Variants in KCND2 observed in about 807,000 individuals in gnomAD.
KCND2 encodes A-type voltage-gated potassium channel KCND2.
Under a neutral mutation model 54.4 loss-of-function variants are expected in KCND2, and 16 were observed. The ratio of observed to expected loss-of-function variants is 0.29; its 90% confidence interval spans 0.20 to 0.45. KCND2 has a LOEUF of 0.45. Among genes scored for constraint, KCND2 ranks in the 20% least tolerant of loss-of-function variants. KCND2 has a pLI of 1.00. For synonymous variants in KCND2, 317 were observed against 310.7 expected, an observed-to-expected ratio of 1.02 and a Z score of -0.21; for missense variants, 486 against 824.2, an observed-to-expected ratio of 0.59 and a Z score of 5.02.
intron 1 of KCND2, among the ~76,000 whole-genome samples, chr7:120,320,500 A>T (rs574231425): frequency 6.6e-6 from 1 of 152,238 alleles, no homozygotes; most frequent in South Asian, 2.1e-4. Context: ...AAATTAGGGA[A>T]AAGGCCTTTC....
At chr7:120,356,592 G>T (rs1314689731) in intron 1 of KCND2, among the ~76,000 whole-genome samples, 1 of 152,036 alleles carries the variant, frequency 6.6e-6, no homozygotes, top group South Asian at 2.1e-4. Context: ...CCCACTGTTG[G>T]GGTATAATCA....
chr7:120,486,367 C>T (rs925868241), intron 1 of KCND2, among the ~76,000 whole-genome samples: 3 of 151,914 alleles, frequency 2.0e-5, no homozygotes, highest in East Asian at 1.9e-4. Flanking sequence ...GCCAAGAGGA[C>T]GTAAGGTGAT....
intron 1 of KCND2, among the ~76,000 whole-genome samples, chr7:120,482,436 T>G (rs1166848222): frequency 1.6e-4 from 25 of 152,170 alleles, no homozygotes. Flanking sequence ...GTATTTTGCA[T>G]TGTGAGAAGG....
In KCND2 at chr7:120,333,524, C is replaced by T. The variant is rs143333348; in HGVS notation, c.1115+57777C>T. On this transcript the variant is annotated intron_variant, in intron 1 of 5. Transcript: ENST00000331113. ...CAAACCTTACTCAAACCAGCAAACC[C>T]TGTTTATGATAAAGCACTTTCGGAT... 3.0e-4 allele frequency among the ~76,000 whole-genome samples: 46 copies of T among 152,176 alleles called. No individual in the cohort carries two copies. The East Asian group carries it at 8.7e-3, about 29-fold the overall frequency.
chr7:120,551,599 C>T (rs1792105615), intron 1 of KCND2, among the ~76,000 whole-genome samples: 1 of 152,052 alleles, frequency 6.6e-6, no homozygotes. Flanking sequence ...TCCAACTTAG[C>T]TTTCATACTT....
At chr7:120,682,369 T>C (rs1362816236) in intron 1 of KCND2, among the ~76,000 whole-genome samples, 1 of 152,088 alleles carries the variant, frequency 6.6e-6, no homozygotes, top group Non-Finnish European at 1.5e-5. Context: ...TTTTCAGTAA[T>C]GGTCACATTT....
chr7:120,677,550 T>TATAG (rs138542026), intron 1 of KCND2, among the ~76,000 whole-genome samples: 26,000 of 129,462 alleles, frequency 0.2, 2,691 homozygotes, highest in African/African-American at 0.35. Flanking sequence ...TAGATATAGA[T>TATAG]ATATAGATAT....
chr7:120,326,012 A>G (rs558612082), intron 1 of KCND2, among the ~76,000 whole-genome samples: 9 of 152,150 alleles, frequency 5.9e-5, no homozygotes, highest in Non-Finnish European at 8.8e-5. Flanking sequence ...CATGAGCTTG[A>G]TAAATGAGAA....
chr7:120,606,338 T>G (rs893241174), intron 1 of KCND2, among the ~76,000 whole-genome samples: 3 of 152,216 alleles, frequency 2.0e-5, no homozygotes, highest in Non-Finnish European at 4.4e-5. Flanking sequence ...CTGAGCCATC[T>G]TTTCATTTCT....
At chr7:120,385,032 G>T (rs1584756526) in intron 1 of KCND2, among the ~76,000 whole-genome samples, 2 of 108,132 alleles carry the variant, frequency 1.8e-5, no homozygotes, top group Non-Finnish European at 3.6e-5. Context: ...TCTGAGACAG[G>T]GTCTCACTCT....
At chr7:120,368,595 T>C (rs1800719740) in intron 1 of KCND2, among the ~76,000 whole-genome samples, 1 of 152,090 alleles carries the variant, frequency 6.6e-6, no homozygotes. Context: ...AATTTGCAAA[T>C]TTAGCCTATA....
intron 1 of KCND2, among the ~76,000 whole-genome samples, chr7:120,521,275 C>A (rs375879966): frequency 1.3e-5 from 2 of 151,952 alleles, no homozygotes; most frequent in African/African-American, 4.8e-5. Flanking sequence ...TAAAACCTAA[C>A]AACTTTGTTT....
chr7:120,312,614 C>T lies in KCND2; in HGVS notation c.1115+36867C>T, dbSNP rs942583379. Among the ~76,000 whole-genome samples the T allele has an allele frequency of 2.6e-5, 4 of 152,154 alleles. No homozygotes were observed. In the South Asian group the frequency reaches 6.2e-4, roughly 24 times the overall value. On this transcript the variant is annotated intron_variant, in intron 1 of 5. Transcript: ENST00000331113. ...CTATGGCGACAAAAATTCATACATT[C>T]AGCCTCAAAGAATTACTTGAATTCT...
chr7:120,429,029 A>G (rs1801755311), intron 1 of KCND2, among the ~76,000 whole-genome samples: 1 of 152,162 alleles, frequency 6.6e-6, no homozygotes, highest in African/African-American at 2.4e-5. Flanking sequence ...AGTTGGGAAG[A>G]AGGGAGAGGC....
chr7:120,367,114 C>T (rs1227367935), intron 1 of KCND2, among the ~76,000 whole-genome samples: 1 of 152,046 alleles, frequency 6.6e-6, no homozygotes, highest in Non-Finnish European at 1.5e-5. Context: ...ATACATTATC[C>T]TTCCCAGATT....
intron 1 of KCND2, among the ~76,000 whole-genome samples, chr7:120,532,325 T>C (rs1346603500): frequency 1.3e-5 from 2 of 151,026 alleles, no homozygotes; most frequent in African/African-American, 2.5e-5. Context: ...GAATAGACAA[T>C]GAACTTTAAA....
At chr7:120,694,669 A>AT (rs1198519206) in intron 1 of KCND2, among the ~76,000 whole-genome samples, 1 of 152,168 alleles carries the variant, frequency 6.6e-6, no homozygotes, top group East Asian at 1.9e-4. Context: ...TATTACCCCC[A>AT]ATGATGCCTA....
intron 1 of KCND2, among the ~76,000 whole-genome samples, chr7:120,642,401 A>AT (rs1057397550): frequency 6.6e-6 from 1 of 150,594 alleles, no homozygotes; most frequent in Non-Finnish European, 1.5e-5. Flanking sequence ...TCTACTAAAA[A>AT]AAAAAAAAAA....
intron 1 of KCND2, among the ~76,000 whole-genome samples, chr7:120,598,623 G>C (rs1792777088): frequency 6.6e-6 from 1 of 152,066 alleles, no homozygotes; most frequent in Non-Finnish European, 1.5e-5. Flanking sequence ...TTACACTTTA[G>C]ACAAGTAGTT....
Sources: allele counts gnomAD v4.1 joint callset (sites outside exome capture counted in the v4.1 genomes callset), GRCh38; gene constraint gnomAD v4.1.1; transcripts MANE v1.5; gene names NCBI Gene and HGNC (gene_info 2026-07-23, HGNC 2026-07-21).